The following TECPR1 variants were observed in gnomAD, a reference collection of about 807,000 sequenced individuals.
The protein encoded by TECPR1 is tectonin beta-propeller repeat containing 1.
Under a neutral mutation model 162.4 loss-of-function variants are expected in TECPR1, and 122 were observed. The observed-to-expected ratio is 0.75, with a 90% confidence interval of 0.65 to 0.87. The LOEUF is 0.87. Ranked by LOEUF, TECPR1 falls within the 40% of genes least tolerant of loss-of-function variation. TECPR1 has a pLI of 0.00. For synonymous variants in TECPR1, 642 were observed against 670.6 expected, an observed-to-expected ratio of 0.96 and a Z score of 0.66; for missense variants, 1,432 against 1,618.2, an observed-to-expected ratio of 0.88 and a Z score of 1.97.
At chr7:98,223,581 G>C (rs887980953) in intron 20 of TECPR1, 81 bp downstream of exon 20, 32 of 1,483,352 alleles carry the variant, frequency 2.2e-5, no homozygotes, top group Non-Finnish European at 2.8e-5. Flanking sequence ...ATCTGGCCCG[G>C]GGTGCAGGGA....
intron 20 of TECPR1, 35 bp from the exon 21 acceptor site, chr7:98,223,205 C>G: frequency 6.5e-7 from 1 of 1,546,472 alleles, no homozygotes; most frequent in Non-Finnish European, 8.8e-7. Context: ...CCCAGGGACC[C>G]CAAGGTGACC....
intron 2 of TECPR1, among the ~76,000 whole-genome samples, chr7:98,250,356 A>C (rs1799031367): frequency 6.6e-6 from 1 of 152,034 alleles, no homozygotes; most frequent in South Asian, 2.1e-4. Context: ...GGCCAGGTGC[A>C]GTAGCTCATG....
At chr7:98,237,613 C>T (rs1798635499) in intron 9 of TECPR1, among the ~76,000 whole-genome samples, 1 of 152,108 alleles carries the variant, frequency 6.6e-6, no homozygotes, top group South Asian at 2.1e-4. Flanking sequence ...GGATTACAGT[C>T]ACGTGCTACC....
In TECPR1 at chr7:98,232,563, T is replaced by G; in HGVS notation, c.1818+264A>C. 7.0e-6 allele frequency among the ~76,000 whole-genome samples: 1 copy of G among 141,854 alleles called. No homozygotes were observed. Among genetic ancestry groups the G allele is most frequent in the Non-Finnish European group, 1.6e-5 (1 of 64,462 alleles). 93.1% of individuals were successfully genotyped at this position (141,854 alleles called of 152,430 possible). On this transcript the variant is annotated intron_variant, in intron 12 of 25. Transcript: ENST00000447648. This position sits in a 1 kb window ranked among gnomAD's most constrained non-coding sequence, Gnocchi z 4.6. ...GGTTCCCCTCCCTGGCCACCCTCCCTTCCCCACCCACCACCCTCTGAGGTT... is the reference window on the plus strand; with the variant it reads ...GGTTCCCCTCCCTGGCCACCCTCCCGTCCCCACCCACCACCCTCTGAGGTT...
At chr7:98,239,911 C>T (rs1038764470) in intron 8 of TECPR1, among the ~76,000 whole-genome samples, 1 of 152,038 alleles carries the variant, frequency 6.6e-6, no homozygotes, top group Non-Finnish European at 1.5e-5. Flanking sequence ...GATATCGAGA[C>T]CATCCTGGCT....
chr7:98,217,322 A>T lies in TECPR1; in HGVS notation c.*68T>A. ...TTGCTCCCACGGTGCACACTCCAGC[A>T]CAAGAATGGCTCAGCCTTGATCCCC... On this transcript the variant is annotated 3_prime_UTR_variant, in exon 26 of 26. Coordinates refer to ENST00000447648, the MANE Select transcript of TECPR1 (RefSeq NM_015395.3). 1 of 1,079,656 alleles carries T rather than the reference A, an allele frequency of 9.3e-7. No individual in the cohort carries two copies. Among genetic ancestry groups the T allele is most frequent in the Non-Finnish European group, 1.3e-6 (1 of 759,798 alleles). 66.9% of individuals were successfully genotyped at this position (1,079,656 alleles called of 1,614,324 possible).
At position 98,225,085 on chromosome 7, in the gene TECPR1, C is replaced by T. The variant is rs756166903; in HGVS notation, c.2531G>A (p.Arg844Gln). 9.6e-6 allele frequency: 15 copies of T among 1,568,862 alleles called. No individual in the cohort carries two copies. The highest frequency in any genetic ancestry group is 1.3e-5 in the Non-Finnish European group (15 of 1,159,000). ...CCCCGAGGCATCGCTCCACATGTAC[C>T]GGTCCGTGGGCAGACCCCTGCGGCA... is the stretch of plus-strand genomic sequence containing the variant. ...GYTSRGLPTD[R>Q]YMWSDASGLQ... The change falls in exon 18 of 26, where the codon CGG becomes CAG. Residue 844 changes from arginine to glutamine, a missense_variant. Coordinates refer to ENST00000447648, the MANE Select transcript of TECPR1 (RefSeq NM_015395.3).
At chr7:98,226,624 A>G (rs920128484) in intron 17 of TECPR1, 8 of 1,051,020 alleles carry the variant, frequency 7.6e-6, no homozygotes, top group African/African-American at 1.7e-5. Context: ...TATTTCGTCA[A>G]TTTGGAAAAG....
chr7:98,226,349 A>G, intron 17 of TECPR1: 1 of 673,648 alleles, frequency 1.5e-6, no homozygotes, highest in Non-Finnish European at 1.8e-6. Context: ...ACACAGGGAC[A>G]TCCTTTAAAT....
intron 16 of TECPR1, chr7:98,228,575 G>T: frequency 4.5e-6 from 1 of 222,364 alleles, no homozygotes. Flanking sequence ...GCTCAGATAT[G>T]CGTTCCTGGG....
rs375860669 is a variant in TECPR1, at chr7:98,231,243, T to C, written c.2105A>G (p.Glu702Gly). 33 of 1,612,608 alleles carry C rather than the reference T, an allele frequency of 2.0e-5. No individual in the cohort carries two copies. The African/African-American group carries it at 3.9e-4, about 19-fold the overall frequency. The change falls in exon 14 of 26, where the codon GAG becomes GGG. Residue 702 changes from glutamate (E) to glycine (G), a missense_variant. Physicochemically the swap from Glu to Gly is moderately conservative, Grantham distance 98. Transcript: ENST00000447648. ...ACTCACCCAGTCATTCATGTCCTGC[T>C]CGGTGGCAGCAGCCAGACGCACCGG... is the stretch of plus-strand genomic sequence containing the variant. ...RWPVRLAAAT[E>G]QDMNDWLALL...
intron 8 of TECPR1, among the ~76,000 whole-genome samples, chr7:98,239,795 C>T (rs1485441966): frequency 6.6e-6 from 1 of 151,768 alleles, no homozygotes; most frequent in Non-Finnish European, 1.5e-5. Flanking sequence ...CCAGGGAAAC[C>T]CCCTTGACAA....
At chr7:98,229,002 CCAGG>C in intron 16 of TECPR1, 33 bp downstream of exon 16, 4 of 1,588,064 alleles carry the variant, frequency 2.5e-6, no homozygotes. Flanking sequence ...GAAAGAACGC[CCAGG>C]AAGGCTCCGG....
In TECPR1 at chr7:98,231,340, G is replaced by A; in HGVS notation, c.2008C>T (p.Leu670=). ...IHIFLNEVVA[L]VPVLNETKHS... ...TTGGTCTCGTTCAGCACTGGGACCA[G>A]CGCCACCACCTCATTCAGGAATATG... Residue 670 remains leucine (L), a synonymous_variant, in exon 14 of 26, where the codon CTG becomes TTG. Transcript: ENST00000447648. The A allele has an allele frequency of 6.2e-7, 1 of 1,609,652 alleles. No individual in the cohort carries two copies. The highest frequency in any genetic ancestry group is 8.5e-7 in the Non-Finnish European group (1 of 1,178,046).
rs199705921 is a variant in TECPR1, at chr7:98,231,115, C to A, written c.2128G>T (p.Ala710Ser). Reference sequence around the variant, plus strand: ...TCGCAGCAAGACAGGCTGAGCAGGGCGAGCTGGTGTGGCACAATGCCGGTC... The same window carrying A: ...TCGCAGCAAGACAGGCTGAGCAGGGAGAGCTGGTGTGGCACAATGCCGGTC... ...ATEQDMNDWL[A>S]LLSLSCCESR... is the part of the protein sequence containing the mutation. Residue 710 changes from alanine (A) to serine (S), a missense_variant, in exon 15 of 26, where the codon GCC (alanine) becomes TCC (serine). By Grantham distance (99) the Ala-to-Ser change is moderately conservative (BLOSUM62 1). Transcript: ENST00000447648. The A allele has an allele frequency of 1.2e-6, 2 of 1,600,286 alleles. No individual in the cohort carries two copies. Among genetic ancestry groups the A allele is most frequent in the Admixed American group, 3.4e-5 (2 of 57,992 alleles).
chr7:98,232,338 G>C lies in TECPR1; in HGVS notation c.1819-379C>G, dbSNP rs1798466800. 6.6e-6 allele frequency among the ~76,000 whole-genome samples: 1 copy of C among 152,038 alleles called. No homozygotes were observed. The highest frequency in any genetic ancestry group is 1.5e-5 in the Non-Finnish European group (1 of 68,022). Reference sequence around the variant, plus strand: ...TTGTGTCCAGGGGCCTTTGGAATGAGGCAGGTCACATGCTCTGTGTGACTT... The same window carrying C: ...TTGTGTCCAGGGGCCTTTGGAATGACGCAGGTCACATGCTCTGTGTGACTT... On this transcript the variant is annotated intron_variant, in intron 12 of 25. Transcript: ENST00000447648. The surrounding 1 kb of genome is among the most constrained non-coding windows in gnomAD (Gnocchi z 4.6).
chr7:98,233,105 C>T, intron 11 of TECPR1, 133 bp from the exon 12 acceptor site: 1 of 1,129,034 alleles, frequency 8.9e-7, no homozygotes, highest in African/African-American at 1.6e-5. Context: ...CCTCCTTCCA[C>T]CCTTTGCCCT....
chr7:98,233,880 C>T lies in TECPR1; in HGVS notation c.1213G>A (p.Gly405Ser). Residue 405 changes from glycine (G) to serine (S), a missense_variant, in exon 11 of 26, where the codon GGT becomes AGT. Coordinates refer to ENST00000447648, the MANE Select transcript of TECPR1 (RefSeq NM_015395.3). ...TCGCTGGGGGCAGACTCGCCACTACCCCTCACCTCATCACCGAAGAAGCAG... is the reference window on the plus strand; with the variant it reads ...TCGCTGGGGGCAGACTCGCCACTACTCCTCACCTCATCACCGAAGAAGCAG... ...AGCFFGDEVRGSGESAPSDTD... is the reference protein window; with the variant it reads ...AGCFFGDEVRSSGESAPSDTD... The T allele has an allele frequency of 6.5e-7, 1 of 1,548,554 alleles. No homozygotes were observed. The highest frequency in any genetic ancestry group is 8.7e-7 in the Non-Finnish European group (1 of 1,145,034).
intron 11 of TECPR1, 116 bp downstream of exon 11, chr7:98,233,305 C>T (rs901060703): frequency 4.7e-6 from 6 of 1,273,942 alleles, no homozygotes; most frequent in East Asian, 2.8e-5. Context: ...CACAGTGAGG[C>T]GTCCAGGGAG....
Sources: allele counts gnomAD v4.1 joint callset (sites outside exome capture counted in the v4.1 genomes callset), GRCh38; gene constraint gnomAD v4.1.1; non-coding constraint Gnocchi (gnomAD v3.1); transcripts MANE v1.5; gene names NCBI Gene and HGNC (gene_info 2026-07-23, HGNC 2026-07-21).